Variants in PHACTR3 observed in about 807,000 individuals in gnomAD.
PHACTR3 encodes phosphatase and actin regulator 3.
A neutral mutation model predicts 66.8 loss-of-function variants in PHACTR3; 16 were observed. The observed-to-expected ratio is 0.24, with a 90% CI of 0.16 to 0.36. The LOEUF (loss-of-function observed/expected upper bound fraction) is 0.36. PHACTR3 is among the 10% of genes least tolerant of loss of function. The pLI is 1.00. For synonymous variants in PHACTR3, 323 were observed against 292.1 expected (o/e 1.11, Z -1.08); for missense variants, 647 against 719.9 (o/e 0.90, Z 1.16).
chr20:59,845,179 T>C lies in PHACTR3; in HGVS notation c.1588-10T>C. The stretch of plus-strand genomic sequence containing the variant: ...ATCCTGTAAAACAATGTCTTGTTTT[T>C]AAATTTCAGGCAGCAATTCGTAAAG... On this transcript the variant is annotated splice_polypyrimidine_tract_variant and intron_variant, in intron 11 of 12. Transcript: ENST00000371015. 6.4e-7 allele frequency: 1 copy of C among 1,565,368 alleles called. No homozygotes were observed. The highest frequency in any genetic ancestry group is 8.8e-7 in the Non-Finnish European group (1 of 1,138,528).
intron 4 of PHACTR3, among the ~76,000 whole-genome samples, chr20:59,763,211 A>C (rs1422889166): frequency 4.6e-5 from 7 of 152,226 alleles, no homozygotes; most frequent in African/African-American, 1.7e-4. Context: ...CACTTGGTAC[A>C]TGTCCTTCCT....
chr20:59,707,703 C>T (rs1289041044), intron 1 of PHACTR3, among the ~76,000 whole-genome samples: 2 of 151,920 alleles, frequency 1.3e-5, no homozygotes, highest in Non-Finnish European at 2.9e-5. Flanking sequence ...GAGCAAAAAA[C>T]GATCCTCCCA....
intron 1 of PHACTR3, among the ~76,000 whole-genome samples, chr20:59,692,431 G>A (rs1206163968): frequency 6.6e-6 from 1 of 152,234 alleles, no homozygotes; most frequent in South Asian, 2.1e-4. Flanking sequence ...CTTGCCAGGG[G>A]CCTGGGCTTG....
chr20:59,685,992 C>T (rs530951371), intron 1 of PHACTR3, among the ~76,000 whole-genome samples: 2 of 152,190 alleles, frequency 1.3e-5, no homozygotes, highest in Admixed American at 6.5e-5. Context: ...ATGAACAATG[C>T]AAAGATGCTG....
At chr20:59,767,687 G>T (rs1021758711) in intron 5 of PHACTR3, among the ~76,000 whole-genome samples, 1 of 152,240 alleles carries the variant, frequency 6.6e-6, no homozygotes, top group Non-Finnish European at 1.5e-5. Context: ...GAGTCTCTTT[G>T]CAGGAGTCAA....
intron 1 of PHACTR3, among the ~76,000 whole-genome samples, chr20:59,659,856 G>A (rs879276731): frequency 1.3e-4 from 20 of 152,030 alleles, no homozygotes; most frequent in African/African-American, 3.4e-4. Flanking sequence ...GCCACAGCCC[G>A]GCCAGCAGAT....
At chr20:59,753,984 C>T (rs952456699) in intron 3 of PHACTR3, among the ~76,000 whole-genome samples, 4 of 152,226 alleles carry the variant, frequency 2.6e-5, no homozygotes, top group African/African-American at 4.8e-5. Context: ...CATCCCCAAA[C>T]GGCCACCTCG....
chr20:59,693,886 A>G (rs8120549), intron 1 of PHACTR3, among the ~76,000 whole-genome samples: 2,374 of 152,274 alleles, frequency 0.016, 67 homozygotes, highest in African/African-American at 0.053. Flanking sequence ...CGTTAGTCCT[A>G]GGCTCAAATC....
intron 1 of PHACTR3, among the ~76,000 whole-genome samples, chr20:59,727,348 G>C (rs2038604699): frequency 6.6e-6 from 1 of 152,198 alleles, no homozygotes; most frequent in South Asian, 2.1e-4. Flanking sequence ...TCCGCTGATG[G>C]ACATTTGGGC....
At chr20:59,594,373 T>C (rs1463946472) in intron 1 of PHACTR3, among the ~76,000 whole-genome samples, 2 of 152,034 alleles carry the variant, frequency 1.3e-5, no homozygotes, top group Non-Finnish European at 2.9e-5. Context: ...GATTTTCATG[T>C]CATTTGTGAA....
At chr20:59,764,371 G>A (rs963705089) in intron 4 of PHACTR3, among the ~76,000 whole-genome samples, 4 of 152,156 alleles carry the variant, frequency 2.6e-5, no homozygotes, top group Non-Finnish European at 5.9e-5. Flanking sequence ...GACCCTTGGA[G>A]CCTGGTTCAG....
intron 1 of PHACTR3, among the ~76,000 whole-genome samples, chr20:59,663,820 G>C (rs1373515406): frequency 2.0e-5 from 3 of 152,216 alleles, no homozygotes; most frequent in Admixed American, 2.0e-4. Context: ...TGGGAACAAG[G>C]CTGTGGAAAG....
chr20:59,840,511 G>C, intron 10 of PHACTR3, 81 bp downstream of exon 10: 1 of 1,580,490 alleles, frequency 6.3e-7, no homozygotes, highest in Non-Finnish European at 8.6e-7. Context: ...GATGGGTAAT[G>C]CTAGGTATCA....
At chr20:59,608,303 A>G (rs971363475) in intron 1 of PHACTR3, among the ~76,000 whole-genome samples, 1 of 152,018 alleles carries the variant, frequency 6.6e-6, no homozygotes, top group African/African-American at 2.4e-5. Context: ...CCTTCCCGCC[A>G]CTTTCACCAC....
chr20:59,613,232 G>A (rs1418308088), intron 1 of PHACTR3, among the ~76,000 whole-genome samples: 1 of 152,220 alleles, frequency 6.6e-6, no homozygotes, highest in Non-Finnish European at 1.5e-5. Context: ...CTGGCTTAAA[G>A]AAGATAAAGG....
chr20:59,784,811 C>A (rs80071153), intron 7 of PHACTR3, among the ~76,000 whole-genome samples: 3 of 152,136 alleles, frequency 2.0e-5, no homozygotes, highest in Non-Finnish European at 4.4e-5. Context: ...TATAGGGCTG[C>A]GGGGAGATGA....
chr20:59,722,164 G>A (rs749440541), intron 1 of PHACTR3, among the ~76,000 whole-genome samples: 6 of 152,244 alleles, frequency 3.9e-5, no homozygotes, highest in East Asian at 3.9e-4. Flanking sequence ...CCTGGGAGGC[G>A]GAGCTTGCAG....
At chr20:59,836,964 A>T (rs1009342780) in intron 9 of PHACTR3, among the ~76,000 whole-genome samples, 2 of 152,196 alleles carry the variant, frequency 1.3e-5, no homozygotes, top group African/African-American at 4.8e-5. Flanking sequence ...TAAAGCAGTC[A>T]GCTCAGGGAA....
Position 59,729,307 on chromosome 20 carries a change from G to A in PHACTR3, c.119-13800G>A, listed in dbSNP as rs1047175907. 5.9e-5 allele frequency among the ~76,000 whole-genome samples: 9 copies of A among 152,080 alleles called. 1 individual carries two copies. The South Asian group carries it at 6.2e-4, about 11-fold the overall frequency. On this transcript the variant is annotated intron_variant, in intron 1 of 12. Transcript: ENST00000371015. ...AGTGACCATTCACTTGGCTGTCCCC[G>A]CTCCCAGGCCTCAGGACTGTGAGGG...
Sources: allele counts gnomAD v4.1 joint callset (sites outside exome capture counted in the v4.1 genomes callset), GRCh38; gene constraint gnomAD v4.1.1; transcripts MANE v1.5; gene names NCBI Gene and HGNC (gene_info 2026-07-23, HGNC 2026-07-21).